The following INPP4A variants were observed in gnomAD, a reference collection of about 807,000 sequenced individuals.
The protein encoded by INPP4A is inositol polyphosphate-4-phosphatase type I A, also known as inositol polyphosphate-4-phosphatase, type I, 107kD.
A neutral mutation model predicts 119.8 loss-of-function variants in INPP4A; 33 were observed. The observed-to-expected ratio is 0.28, with a 90% CI of 0.21 to 0.37. INPP4A has a LOEUF of 0.37. Among genes scored for constraint, INPP4A ranks in the 10% least tolerant of loss-of-function variants. The pLI, the probability that INPP4A is intolerant of heterozygous loss-of-function variation, is 1.00. For synonymous variants in INPP4A, 496 were observed against 500.7 expected (o/e 0.99, Z 0.12); for missense variants, 956 against 1,289.9 (o/e 0.74, Z 3.97).
rs553461056 is a variant in INPP4A at position 98,471,590 on chromosome 2, G to A, written c.-166+26505G>A. 4.6e-5 allele frequency among the ~76,000 whole-genome samples: 7 copies of A among 152,326 alleles called. No individual in the cohort carries two copies. In the East Asian group the frequency reaches 5.8e-4, roughly 13 times the overall value. ...CACAGGCTGCAGCCTCAGGTTGAGCGCTCAGGAACCAAGGTCAACGCTCAG... is the reference window on the plus strand; with the variant it reads ...CACAGGCTGCAGCCTCAGGTTGAGCACTCAGGAACCAAGGTCAACGCTCAG... On this transcript the variant is annotated intron_variant, in intron 1 of 24. Coordinates refer to ENST00000409851, the MANE Select transcript of INPP4A (RefSeq NM_001134225.2).
At position 98,517,946 on chromosome 2, in the gene INPP4A, A is replaced by G. The variant is rs1022508084; in HGVS notation, c.-165-1018A>G. 3.3e-5 allele frequency among the ~76,000 whole-genome samples: 5 copies of G among 152,358 alleles called. No homozygotes were observed. In the East Asian group the frequency reaches 9.6e-4, roughly 29 times the overall value. ...AATGTGTATTCTCATTGAAGAACAA[A>G]CAAAACTCTTTTGGAGGACGAATTT... On this transcript the variant is annotated intron_variant, in intron 1 of 24. Coordinates refer to ENST00000409851, the MANE Select transcript of INPP4A (RefSeq NM_001134225.2).
intron 1 of INPP4A, among the ~76,000 whole-genome samples, chr2:98,475,393 C>T (rs1405798322): frequency 2.0e-5 from 3 of 152,092 alleles, no homozygotes; most frequent in Non-Finnish European, 4.4e-5. Flanking sequence ...ACCCCATGGG[C>T]GGTGTTTCAA....
At chr2:98,562,888 G>A (rs1695746722) in intron 17 of INPP4A, among the ~76,000 whole-genome samples, 2 of 152,152 alleles carry the variant, frequency 1.3e-5, no homozygotes, top group South Asian at 4.1e-4. Flanking sequence ...TGCAAGGTGG[G>A]GCCGTTCTGA....
At chr2:98,536,070 A>C in intron 6 of INPP4A, 59 bp from the exon 7 acceptor site, 1 of 1,068,822 alleles carries the variant, frequency 9.4e-7, no homozygotes, top group Non-Finnish European at 1.4e-6. Flanking sequence ...GGGCCATGGT[A>C]ATTGCATCAG....
chr2:98,478,695 G>C (rs528066731), intron 1 of INPP4A, among the ~76,000 whole-genome samples: 1 of 152,320 alleles, frequency 6.6e-6, no homozygotes, highest in East Asian at 1.9e-4. Flanking sequence ...GGAGTAGGAA[G>C]GTTGAGGGGG....
At position 98,489,042 on chromosome 2, in the gene INPP4A, C is replaced by G. The variant is rs568064025; in HGVS notation, c.-165-29922C>G. Among the ~76,000 whole-genome samples, 3 of 149,456 alleles carry G rather than the reference C, an allele frequency of 2.0e-5. No individual in the cohort carries two copies. The Admixed American group carries it at 2.0e-4, about 10-fold the overall frequency. On this transcript the variant is annotated intron_variant, in intron 1 of 24. Coordinates refer to ENST00000409851, the MANE Select transcript of INPP4A (RefSeq NM_001134225.2). ...TAGGAGGCTGGTTTGGAGCCTGTTG[C>G]CTTAGCTCTGTGGGGTGATGATGGG... is the stretch of plus-strand genomic sequence containing the variant.
At chr2:98,478,205 C>T (rs958488880) in intron 1 of INPP4A, among the ~76,000 whole-genome samples, 1 of 152,140 alleles carries the variant, frequency 6.6e-6, no homozygotes, top group Non-Finnish European at 1.5e-5. Context: ...TCTTTCTCAG[C>T]CACACTGTGT....
At chr2:98,493,768 G>T (rs1193551359) in intron 1 of INPP4A, among the ~76,000 whole-genome samples, 2 of 152,120 alleles carry the variant, frequency 1.3e-5, no homozygotes, top group African/African-American at 4.8e-5. Flanking sequence ...ATATTCACCA[G>T]GTTAATGCCA....
At chr2:98,483,080 G>A (rs796530684) in intron 1 of INPP4A, among the ~76,000 whole-genome samples, 4 of 152,306 alleles carry the variant, frequency 2.6e-5, no homozygotes, top group African/African-American at 9.6e-5. Flanking sequence ...TGCTAATAAT[G>A]ATTTTGGCAT....
intron 4 of INPP4A, among the ~76,000 whole-genome samples, chr2:98,524,203 C>T (rs1687767246): frequency 6.6e-6 from 1 of 152,152 alleles, no homozygotes; most frequent in Admixed American, 6.6e-5. Flanking sequence ...AGGATACACT[C>T]TTGAATATAG....
intron 24 of INPP4A, among the ~76,000 whole-genome samples, chr2:98,578,938 C>T (rs892480537): frequency 6.6e-6 from 1 of 152,188 alleles, no homozygotes; most frequent in Non-Finnish European, 1.5e-5. Flanking sequence ...GCCAACCAGT[C>T]CCTGAATTAC....
intron 11 of INPP4A, among the ~76,000 whole-genome samples, chr2:98,545,584 T>A (rs1692329693): frequency 6.6e-6 from 1 of 152,212 alleles, no homozygotes; most frequent in Non-Finnish European, 1.5e-5. Context: ...ACAGGCAGTC[T>A]CTGGCGTGGA....
At position 98,549,103 on chromosome 2, in the gene INPP4A, A is replaced by T. The variant is rs552707311; in HGVS notation, c.1163+2409A>T. Reference sequence around the variant, plus strand: ...CATGGTTCCTAGTTATACACCTCATAAACAGTCCTCCCTTCCAACTGCAAT... The same window carrying T: ...CATGGTTCCTAGTTATACACCTCATTAACAGTCCTCCCTTCCAACTGCAAT... On this transcript the variant is annotated intron_variant, in intron 13 of 24. Coordinates refer to ENST00000409851, the MANE Select transcript of INPP4A (RefSeq NM_001134225.2). 6 of 703,582 alleles carry T rather than the reference A, an allele frequency of 8.5e-6. No homozygotes were observed. The South Asian group carries it at 1.1e-4, about 13-fold the overall frequency. 43.6% of individuals were successfully genotyped at this position (703,582 alleles called of 1,614,324 possible). A position where few individuals can be genotyped will look rare whatever the true frequency, so the allele number is the denominator to read the frequency against.
intron 1 of INPP4A, among the ~76,000 whole-genome samples, chr2:98,515,074 T>C (rs548421018): frequency 6.6e-6 from 1 of 152,324 alleles, no homozygotes; most frequent in East Asian, 1.9e-4. Context: ...TCTGTGCACC[T>C]CTTCCAGCTG....
intron 24 of INPP4A, among the ~76,000 whole-genome samples, chr2:98,582,941 C>T (rs977029274): frequency 6.6e-6 from 1 of 151,564 alleles, no homozygotes; most frequent in African/African-American, 2.4e-5. Context: ...GAAAGATAAC[C>T]TCCTGCATAC....
At chr2:98,470,714 C>T (rs913088730) in intron 1 of INPP4A, among the ~76,000 whole-genome samples, 3 of 152,004 alleles carry the variant, frequency 2.0e-5, no homozygotes, top group African/African-American at 7.3e-5. Flanking sequence ...GTTGCCCAGG[C>T]TGGAGTGCAG....
At chr2:98,586,880 C>A (rs1312444439) in intron 24 of INPP4A, among the ~76,000 whole-genome samples, 1 of 152,236 alleles carries the variant, frequency 6.6e-6, no homozygotes, top group Non-Finnish European at 1.5e-5. Flanking sequence ...GATTGCCAGG[C>A]TGCTCTGCAG....
intron 1 of INPP4A, among the ~76,000 whole-genome samples, chr2:98,464,163 A>G (rs1674229469): frequency 6.6e-6 from 1 of 152,172 alleles, no homozygotes; most frequent in Non-Finnish European, 1.5e-5. Context: ...TGAAGGGGAC[A>G]GTCTTCAAAT....
intron 1 of INPP4A, among the ~76,000 whole-genome samples, chr2:98,448,353 CA>C (rs571844955): frequency 0.03 from 3,035 of 99,756 alleles, 57 homozygotes; most frequent in African/African-American, 0.084. Context: ...GAGACTGTCT[CA>C]AAAAAAAAAA....
Sources: allele counts gnomAD v4.1 joint callset (sites outside exome capture counted in the v4.1 genomes callset), GRCh38; gene constraint gnomAD v4.1.1; transcripts MANE v1.5; gene names NCBI Gene and HGNC (gene_info 2026-07-23, HGNC 2026-07-21).